Variants in FAT3 observed in about 807,000 individuals in gnomAD.
FAT3 encodes the protein protocadherin Fat 3.
A neutral mutation model predicts 310.2 loss-of-function variants in FAT3; 95 were observed. The observed-to-expected ratio is 0.31, with a 90% CI of 0.26 to 0.36. FAT3 has a LOEUF of 0.36. Ranked by LOEUF, FAT3 falls within the 10% of genes least tolerant of loss-of-function variation. FAT3 has a pLI of 1.00. For synonymous variants in FAT3, 2,314 were observed against 2,192.9 expected, an observed-to-expected ratio of 1.06 and a Z score of -1.54; for missense variants, 5,408 against 5,715.6, an observed-to-expected ratio of 0.95 and a Z score of 1.74.
At chr11:92,401,599 A>G (rs73548445) in intron 2 of FAT3, among the ~76,000 whole-genome samples, 1,909 of 152,256 alleles carry the variant, frequency 0.013, 35 homozygotes, top group African/African-American at 0.044. Context: ...CACACCCTTG[A>G]AACACAGCCT....
chr11:92,832,437 C>T (rs111743660), intron 14 of FAT3, among the ~76,000 whole-genome samples: 1 of 152,100 alleles, frequency 6.6e-6, no homozygotes, highest in Admixed American at 6.5e-5. Flanking sequence ...CTCCTCCTAC[C>T]TCCTTCACAG....
chr11:92,823,943 A>G (rs529536562), intron 13 of FAT3, among the ~76,000 whole-genome samples: 2 of 152,308 alleles, frequency 1.3e-5, no homozygotes, highest in East Asian at 1.9e-4. Flanking sequence ...TATTTCAAAC[A>G]GAGGAAAAAG....
rs777087874 is a variant in FAT3 at position 92,887,038 on chromosome 11, G to T, written c.12976G>T (p.Ala4326Ser). ...VDDPGEVTCF[A>S]GSNKGSNSEV... ...TGACCCGGGAGAAGTGACCTGCTTT[G>T]CAGGTAGTAATAAAGGCAGCAACTC... is the stretch of plus-strand genomic sequence containing the variant. The change falls in exon 25 of 28, where the codon GCA (alanine) becomes TCA (serine). Residue 4326 changes from alanine (A) to serine (S), a missense_variant. Ala to Ser is a moderately conservative substitution (Grantham distance 99). Around this residue, in one of 5 missense-constraint regions of FAT3, gnomAD observed 649 missense variants for 666.2 expected, o/e 0.97. Transcript: ENST00000525166. The T allele has an allele frequency of 6.2e-7, 1 of 1,610,790 alleles. No homozygotes were observed. The highest frequency in any genetic ancestry group is 8.5e-7 in the Non-Finnish European group (1 of 1,178,780).
intron 10 of FAT3, among the ~76,000 whole-genome samples, chr11:92,802,753 C>A (rs1026286119): frequency 6.6e-6 from 1 of 152,170 alleles, no homozygotes; most frequent in African/African-American, 2.4e-5. Context: ...TGTAAAGAAT[C>A]ATCAATACTT....
rs1949058457 is a variant in FAT3 at position 92,859,155 on chromosome 11, G to T, written c.11501-10G>T. ...AAAATATATATGTCTTCTCATAACG[G>T]TCTTTTCAGGGCACACTTCTCTCAG... On this transcript the variant is annotated splice_polypyrimidine_tract_variant and intron_variant, in intron 20 of 27. Coordinates refer to ENST00000525166, the MANE Select transcript of FAT3 (RefSeq NM_001367949.2). 6.2e-7 allele frequency: 1 copy of T among 1,611,372 alleles called. No individual in the cohort carries two copies. The highest frequency in any genetic ancestry group is 1.3e-5 in the African/African-American group (1 of 74,810).
intron 3 of FAT3, among the ~76,000 whole-genome samples, chr11:92,561,902 A>G (rs1472070416): frequency 6.6e-6 from 1 of 152,200 alleles, no homozygotes; most frequent in Non-Finnish European, 1.5e-5. Context: ...CTGGGATTAC[A>G]GGCGTGAACC....
At chr11:92,667,217 G>C (rs1942983055) in intron 3 of FAT3, among the ~76,000 whole-genome samples, 1 of 152,144 alleles carries the variant, frequency 6.6e-6, no homozygotes, top group Admixed American at 6.5e-5. Flanking sequence ...AATTCTTAAA[G>C]GAACTGTCCA....
At chr11:92,487,182 T>C (rs1952438072) in intron 2 of FAT3, among the ~76,000 whole-genome samples, 1 of 152,046 alleles carries the variant, frequency 6.6e-6, no homozygotes, top group Non-Finnish European at 1.5e-5. Context: ...TTTTTCAAAG[T>C]AGGCAGATAT....
At chr11:92,321,230 A>T (rs1947608679) in intron 1 of FAT3, among the ~76,000 whole-genome samples, 1 of 151,900 alleles carries the variant, frequency 6.6e-6, no homozygotes, top group South Asian at 2.1e-4. Context: ...AGGTCAGGAG[A>T]TCGAGACCAT....
At chr11:92,833,447 G>A (rs901077858) in intron 14 of FAT3, among the ~76,000 whole-genome samples, 2 of 152,152 alleles carry the variant, frequency 1.3e-5, no homozygotes, top group Admixed American at 6.5e-5. Context: ...AATATACCAG[G>A]CTCTTACTAA....
chr11:92,767,991 A>G (rs1946361267), intron 6 of FAT3, among the ~76,000 whole-genome samples: 1 of 152,120 alleles, frequency 6.6e-6, no homozygotes, highest in Non-Finnish European at 1.5e-5. Context: ...TAGAAACATC[A>G]TTGGTCCAAG....
intron 3 of FAT3, among the ~76,000 whole-genome samples, chr11:92,684,825 G>T (rs1287801283): frequency 6.6e-6 from 1 of 152,054 alleles, no homozygotes; most frequent in African/African-American, 2.4e-5. Context: ...TCTCTCATTT[G>T]ATTTACATTT....
Position 92,863,738 on chromosome 11 carries a change from T to C in FAT3, c.11659-3003T>C, listed in dbSNP as rs1194584384. Among the ~76,000 whole-genome samples, 3 of 152,202 alleles carry C rather than the reference T, an allele frequency of 2.0e-5. No homozygotes were observed. In the East Asian group the frequency reaches 5.8e-4, roughly 29 times the overall value. On this transcript the variant is annotated intron_variant, in intron 21 of 27. Coordinates refer to ENST00000525166, the MANE Select transcript of FAT3 (RefSeq NM_001367949.2). ...ATACTTAAAACTAGGTGAACCCAAC[T>C]CTGAAGACAGAGAAGAATTAAATAT...
Position 92,276,082 on chromosome 11 carries a change from A to G in FAT3, c.-18+50908A>G, listed in dbSNP as rs1421667719. ...CATGACAGAATACTTTTTCTGCCAA[A>G]TTGTAGTTCTTTGTGCTTGAATTTG... On this transcript the variant is annotated intron_variant, in intron 1 of 27. Coordinates refer to ENST00000525166, the MANE Select transcript of FAT3 (RefSeq NM_001367949.2). Among the ~76,000 whole-genome samples the G allele has an allele frequency of 3.3e-5, 5 of 152,320 alleles. No homozygotes were observed. In the East Asian group the frequency reaches 5.8e-4, roughly 18 times the overall value.
In FAT3 at chr11:92,777,084, T is replaced by A. The variant is rs568141075; in HGVS notation, c.4335+2904T>A. On this transcript the variant is annotated intron_variant, in intron 7 of 27. Transcript: ENST00000525166. ...TGGAAACCATGAAAGCATGTTCCCA[T>A]GCATGACGCTGGGCAACTTAATGAT... Among the ~76,000 whole-genome samples the A allele has an allele frequency of 6.6e-5, 10 of 152,348 alleles. No homozygotes were observed. The East Asian group carries it at 1.7e-3, about 26-fold the overall frequency.
chr11:92,282,359 A>G (rs1169703297), intron 1 of FAT3, among the ~76,000 whole-genome samples: 1 of 152,142 alleles, frequency 6.6e-6, no homozygotes, highest in African/African-American at 2.4e-5. Context: ...TTCACAGTGT[A>G]TTCATACATG....
intron 18 of FAT3, among the ~76,000 whole-genome samples, chr11:92,842,794 A>G (rs548018625): frequency 7.2e-5 from 11 of 152,334 alleles, no homozygotes; most frequent in Non-Finnish European, 1.0e-4. Context: ...TGGGAGGATC[A>G]CTTGAGCTCA....
At chr11:92,326,603 T>G (rs985195822) in intron 1 of FAT3, among the ~76,000 whole-genome samples, 1 of 152,344 alleles carries the variant, frequency 6.6e-6, no homozygotes, top group Admixed American at 6.5e-5. Context: ...ATGGTGGATA[T>G]AATAGATGTG....
intron 1 of FAT3, among the ~76,000 whole-genome samples, chr11:92,301,523 C>T (rs1331018287): frequency 6.6e-6 from 1 of 152,084 alleles, no homozygotes; most frequent in Non-Finnish European, 1.5e-5. Context: ...GTCACCTTTA[C>T]ACTTTGATTA....
Sources: gnomAD v4.1 joint callset for allele counts (sites outside exome capture counted in the v4.1 genomes callset) on GRCh38, gnomAD v4.1.1 for gene constraint, gnomAD v4.1.1 regional missense constraint, MANE v1.5 for transcripts, NCBI Gene and HGNC (gene_info 2026-07-23, HGNC 2026-07-21) for gene names.